LTBP1: variants seen among roughly 807,000 people sequenced by gnomAD.
LTBP1 encodes the protein latent-transforming growth factor beta-binding protein 1.
In LTBP1, 129 loss-of-function variants were observed where a neutral mutation model predicts 207.6. The ratio of observed to expected loss-of-function variants is 0.62; its 90% CI spans 0.54 to 0.72. The LOEUF (loss-of-function observed/expected upper bound fraction) is 0.72, where lower values mean the gene tolerates loss of function less well. LTBP1 is among the 30% of genes least tolerant of loss of function. LTBP1 has a pLI of 0.00. For missense variants in LTBP1, 2,281 were observed against 2,217.2 expected, an observed-to-expected ratio of 1.03 and a Z score of -0.58; for synonymous variants, 963 against 833.7, an observed-to-expected ratio of 1.16 and a Z score of -2.67.
intron 10 of LTBP1, among the ~76,000 whole-genome samples, chr2:33,246,481 A>G (rs1006053053): frequency 3.3e-5 from 5 of 150,842 alleles, no homozygotes; most frequent in Non-Finnish European, 7.4e-5. Flanking sequence ...ACGCACACGC[A>G]CACACACACA....
At position 33,293,256 on chromosome 2, in the gene LTBP1, G is replaced by GGACTCC. The variant is rs774488636; in HGVS notation, c.3211_3216dup (p.Thr1071_Pro1072dup). 6.2e-6 allele frequency: 10 copies of GGACTCC among 1,613,042 alleles called. No individual in the cohort carries two copies. The African/African-American group carries it at 1.3e-4, about 22-fold the overall frequency. ...TGTTCATGCCACAAAGGCTATACCCGGACTCCGGACCACAAGCACTGTAGA... is the reference window on the plus strand; with the variant it reads ...TGTTCATGCCACAAAGGCTATACCCGGACTCCGACTCCGGACCACAAGCACTGTAGA... On this transcript the variant is annotated inframe_insertion, in exon 20 of 34. Coordinates refer to ENST00000404816, the MANE Select transcript of LTBP1 (RefSeq NM_206943.4).
At chr2:33,252,168 C>T (rs1183071100) in intron 10 of LTBP1, among the ~76,000 whole-genome samples, 1 of 152,144 alleles carries the variant, frequency 6.6e-6, no homozygotes, top group East Asian at 1.9e-4. Context: ...TGTTCACTGG[C>T]GTAGGGTGAG....
At chr2:33,242,749 C>T (rs183071619) in intron 9 of LTBP1, among the ~76,000 whole-genome samples, 4 of 152,022 alleles carry the variant, frequency 2.6e-5, no homozygotes, top group African/African-American at 7.2e-5. Context: ...CTGTCACCAG[C>T]CTGGCTGTTA....
intron 3 of LTBP1, among the ~76,000 whole-genome samples, chr2:33,029,318 A>T (rs1475012982): frequency 2.0e-5 from 3 of 152,074 alleles, no homozygotes. Flanking sequence ...CTCTACTAAA[A>T]ATACAAAAAT....
intron 2 of LTBP1, among the ~76,000 whole-genome samples, chr2:33,017,881 A>G (rs1293976737): frequency 6.6e-6 from 1 of 152,068 alleles, no homozygotes; most frequent in Non-Finnish European, 1.5e-5. Flanking sequence ...CTCCCAAAGT[A>G]CAAGTTTTGC....
intron 2 of LTBP1, among the ~76,000 whole-genome samples, chr2:32,971,524 A>G (rs115048072): frequency 0.014 from 2,115 of 152,194 alleles, 46 homozygotes; most frequent in African/African-American, 0.047. Context: ...TGTTATCAAA[A>G]GCCTTTTCTG....
At chr2:33,120,778 C>T (rs1435479283) in intron 4 of LTBP1, among the ~76,000 whole-genome samples, 2 of 152,172 alleles carry the variant, frequency 1.3e-5, no homozygotes, top group East Asian at 1.9e-4. Flanking sequence ...AACTGCTTTC[C>T]ACAATGATTG....
At chr2:33,059,630 TGGAAATACAGGG>T (rs1324613271) in intron 3 of LTBP1, among the ~76,000 whole-genome samples, 1 of 151,994 alleles carries the variant, frequency 6.6e-6, no homozygotes, top group East Asian at 1.9e-4. Context: ...CCTGAAGAGG[TGGAAATACAGGG>T]GGTCAGATTC....
At chr2:33,090,048 T>C (rs1278960527) in intron 3 of LTBP1, among the ~76,000 whole-genome samples, 2 of 152,260 alleles carry the variant, frequency 1.3e-5, no homozygotes, top group African/African-American at 4.8e-5. Flanking sequence ...TATATACATT[T>C]AACCCGCATT....
intron 32 of LTBP1, among the ~76,000 whole-genome samples, chr2:33,394,876 GTTC>G (rs1300303578): frequency 1.3e-5 from 2 of 152,076 alleles, no homozygotes; most frequent in African/African-American, 4.8e-5. Context: ...GTATTCATAA[GTTC>G]TTATCATTTA....
intron 7 of LTBP1, among the ~76,000 whole-genome samples, chr2:33,213,303 C>T (rs1331014854): frequency 2.6e-5 from 4 of 152,156 alleles, no homozygotes; most frequent in Admixed American, 6.5e-5. Flanking sequence ...TCGTAAGACA[C>T]ATCCTGAAAT....
At position 33,021,077 on chromosome 2, in the gene LTBP1, C is replaced by T. The variant is rs753570721; in HGVS notation, c.734C>T (p.Pro245Leu). 6.2e-7 allele frequency: 1 copy of T among 1,613,970 alleles called. No homozygotes were observed. Among genetic ancestry groups the T allele is most frequent in the African/African-American group, 1.3e-5 (1 of 74,890 alleles). Residue 245 changes from proline (P) to leucine (L), a missense_variant, in exon 3 of 34, where the codon CCT (proline) becomes CTT (leucine). By Grantham distance (98) the Pro-to-Leu change is moderately conservative. Transcript: ENST00000404816. ...SPGAASSWGPPEQAAKHTSSK... is the reference protein window; with the variant it reads ...SPGAASSWGPLEQAAKHTSSK... Reference sequence around the variant, plus strand: ...GGGGCTGCTTCCTCGTGGGGCCCTCCTGAGCAAGCAGCAAAGCATACTTCA... The same window carrying T: ...GGGGCTGCTTCCTCGTGGGGCCCTCTTGAGCAAGCAGCAAAGCATACTTCA...
At chr2:33,025,116 G>A (rs2075356161) in intron 3 of LTBP1, among the ~76,000 whole-genome samples, 1 of 152,176 alleles carries the variant, frequency 6.6e-6, no homozygotes, top group African/African-American at 2.4e-5. Flanking sequence ...ATTAGGGAGA[G>A]CGAGGAGAAG....
At chr2:33,182,388 C>T (rs541468284) in intron 5 of LTBP1, among the ~76,000 whole-genome samples, 3 of 152,010 alleles carry the variant, frequency 2.0e-5, no homozygotes, top group South Asian at 2.1e-4. Flanking sequence ...GTTGGCCGGG[C>T]GCAGTGGCTC....
intron 24 of LTBP1, among the ~76,000 whole-genome samples, chr2:33,328,003 C>CA (rs2094448579): frequency 6.6e-6 from 1 of 151,808 alleles, no homozygotes; most frequent in East Asian, 1.9e-4. Context: ...GGCATGATGG[C>CA]ACACGCCTGT....
At chr2:33,006,909 A>G (rs1395601109) in intron 2 of LTBP1, among the ~76,000 whole-genome samples, 1 of 152,108 alleles carries the variant, frequency 6.6e-6, no homozygotes, top group East Asian at 1.9e-4. Context: ...GCTTCCTTCC[A>G]TGGAGAGGAA....
chr2:33,274,986 T>C lies in LTBP1; in HGVS notation c.2765T>C (p.Val922Ala). Residue 922 changes from valine to alanine, a missense_variant, in exon 17 of 34, where the codon GTC becomes GCC. By Grantham distance (64) the Val-to-Ala change is moderately conservative. This residue lies in a region of LTBP1 where 1,671 missense variants were observed against 1,634.8 expected (regional missense o/e 1.02). Transcript: ENST00000404816. The stretch of plus-strand genomic sequence containing the variant: ...ACAGATATTGATGAGTGTACTCAGG[T>C]CCAACACCTCTGCTCCCAGGGCCGC... ...KCVDIDECTQ[V>A]QHLCSQGRCE... The C allele has an allele frequency of 6.2e-7, 1 of 1,614,064 alleles. No homozygotes were observed. Among genetic ancestry groups the C allele is most frequent in the South Asian group, 1.1e-5 (1 of 91,078 alleles).
intron 3 of LTBP1, among the ~76,000 whole-genome samples, chr2:33,057,092 G>T (rs574167174): frequency 1.3e-5 from 2 of 152,010 alleles, no homozygotes; most frequent in South Asian, 2.1e-4. Flanking sequence ...GTGCTGATTG[G>T]TGCATTTACA....
chr2:33,378,475 AC>A (rs2095172402), intron 31 of LTBP1, among the ~76,000 whole-genome samples: 1 of 151,626 alleles, frequency 6.6e-6, no homozygotes, highest in Non-Finnish European at 1.5e-5. Flanking sequence ...CAGGCAATCC[AC>A]CCGCCTCAGC....
Sources: gnomAD v4.1 joint callset for allele counts (sites outside exome capture counted in the v4.1 genomes callset) on GRCh38, gnomAD v4.1.1 for gene constraint, gnomAD v4.1.1 regional missense constraint, MANE v1.5 for transcripts, NCBI Gene and HGNC (gene_info 2026-07-23, HGNC 2026-07-21) for gene names.